The following TRIM33 variants were observed in gnomAD, a reference collection of about 807,000 sequenced individuals.
TRIM33 encodes the protein tripartite motif containing 33, also known as E3 ubiquitin-protein ligase TRIM33.
Under a neutral mutation model 125.4 loss-of-function variants are expected in TRIM33, and 20 were observed. The observed-to-expected ratio is 0.16, with a 90% CI of 0.11 to 0.23. The LOEUF (loss-of-function observed/expected upper bound fraction) is 0.23, where lower values mean the gene tolerates loss of function less well. Among genes scored for constraint, TRIM33 ranks in the 10% least tolerant of loss-of-function variants. The pLI is 1.00. For synonymous variants in TRIM33, 564 were observed against 513.9 expected, an observed-to-expected ratio of 1.10 and a Z score of -1.32; for missense variants, 920 against 1,411.4, an observed-to-expected ratio of 0.65 and a Z score of 5.58.
intron 1 of TRIM33, among the ~76,000 whole-genome samples, chr1:114,482,335 AC>A (rs1365275533): frequency 2.0e-5 from 3 of 152,188 alleles, no homozygotes; most frequent in Non-Finnish European, 4.4e-5. Flanking sequence ...GAAAAAGAAG[AC>A]CAAATGAAAA....
At chr1:114,462,764 C>T (rs527487572) in intron 4 of TRIM33, among the ~76,000 whole-genome samples, 1 of 152,224 alleles carries the variant, frequency 6.6e-6, no homozygotes, top group African/African-American at 2.4e-5. Context: ...TAAAAGAATA[C>T]TGCTTTTGTA....
intron 1 of TRIM33, among the ~76,000 whole-genome samples, chr1:114,478,475 ACT>A (rs1343235188): frequency 1.3e-5 from 2 of 152,136 alleles, no homozygotes; most frequent in African/African-American, 4.8e-5. Flanking sequence ...GCTAAGATCA[ACT>A]CTCTATACAG....
chr1:114,483,263 C>T (rs1006555453), intron 1 of TRIM33, among the ~76,000 whole-genome samples: 2 of 152,008 alleles, frequency 1.3e-5, no homozygotes, highest in Non-Finnish European at 2.9e-5. Flanking sequence ...GCTGCGATCA[C>T]ACCACTGCAC....
intron 1 of TRIM33, among the ~76,000 whole-genome samples, chr1:114,484,816 C>G (rs7528577): frequency 0.36 from 54,025 of 151,864 alleles, 10,295 homozygotes; most frequent in African/African-American, 0.47. Flanking sequence ...AGTGAGCCCA[C>G]ATCGCACCAC....
intron 1 of TRIM33, among the ~76,000 whole-genome samples, chr1:114,471,047 C>T (rs538193593): frequency 1.3e-5 from 2 of 152,348 alleles, no homozygotes; most frequent in Admixed American, 6.5e-5. Context: ...AATCCTCCCG[C>T]ATAGGCCTCT....
chr1:114,499,296 C>A (rs979169440), intron 1 of TRIM33, among the ~76,000 whole-genome samples: 1 of 151,952 alleles, frequency 6.6e-6, no homozygotes, highest in Non-Finnish European at 1.5e-5. Flanking sequence ...GAGCCTAGGG[C>A]CTGTGTAAAG....
intron 11 of TRIM33, among the ~76,000 whole-genome samples, chr1:114,419,200 C>CAAAAA (rs35757503): frequency 6.7e-4 from 36 of 54,034 alleles, no homozygotes; most frequent in South Asian, 1.3e-3. Flanking sequence ...GACACCATCT[C>CAAAAA]AAAAAAAAAA....
chr1:114,410,120 AAGAC>A (rs1364992688), intron 12 of TRIM33, 60 bp downstream of exon 12: 144 of 1,578,586 alleles, frequency 9.1e-5, no homozygotes, highest in Non-Finnish European at 1.2e-4. Flanking sequence ...AATTCTGACT[AAGAC>A]AGATACTGAC....
rs77563080 is a variant in TRIM33, at chr1:114,479,270, T to C, written c.527-14882A>G. On this transcript the variant is annotated intron_variant, in intron 1 of 19. Coordinates refer to ENST00000358465, the MANE Select transcript of TRIM33 (RefSeq NM_015906.4). The stretch of plus-strand genomic sequence containing the variant: ...TGTTTGAAGAAATAATGGTGGAAAA[T>C]GTCAAAACCTGATGAAACACATTAA... 8.0e-4 allele frequency among the ~76,000 whole-genome samples: 122 copies of C among 152,046 alleles called. 3 individuals are homozygous for C. In the East Asian group the frequency reaches 0.022, roughly 28 times the overall value.
In TRIM33 at chr1:114,425,429, T is replaced by C. The variant is rs1005596953; in HGVS notation, c.1695+20A>G. The C allele has an allele frequency of 1.9e-6, 3 of 1,610,530 alleles. No individual in the cohort carries two copies. The highest frequency in any genetic ancestry group is 3.3e-5 in the Admixed American group (2 of 59,852). ...AGGGCTTCATAATTTCTATCAATAA[T>C]GTAGTAACACGATACTTACCTGTTG... On this transcript the variant is annotated intron_variant, in intron 9 of 19. Transcript: ENST00000358465.
At chr1:114,457,041 G>A (rs1649668163) in intron 4 of TRIM33, among the ~76,000 whole-genome samples, 1 of 152,126 alleles carries the variant, frequency 6.6e-6, no homozygotes, top group South Asian at 2.1e-4. Context: ...GAAGCCCAGT[G>A]TTTGGTTGGG....
At chr1:114,414,987 C>CTTTTTT (rs1232374980) in intron 11 of TRIM33, among the ~76,000 whole-genome samples, 2 of 108,206 alleles carry the variant, frequency 1.8e-5, no homozygotes, top group Non-Finnish European at 1.9e-5. Context: ...GAGGTAGATT[C>CTTTTTT]TATTTTTTTT....
Position 114,510,587 on chromosome 1 carries a change from G to T in TRIM33, c.490C>A (p.Pro164Thr). The T allele has an allele frequency of 6.5e-7, 1 of 1,538,832 alleles. No individual in the cohort carries two copies. Among genetic ancestry groups the T allele is most frequent in the East Asian group, 2.4e-5 (1 of 41,474 alleles). ...LPEPERQLSV[P>T]IPGGSNGDIQ... ...TCGCCGTTGCTGCCCCCCGGGATGG[G>T]CACGCTGAGCTGGCGCTCCGGCTCG... The change falls in exon 1 of 20, where the codon CCC becomes ACC. Residue 164 changes from proline to threonine, a missense_variant. Transcript: ENST00000358465.
rs57206604 is a variant in TRIM33, at chr1:114,465,343, C to A, written c.527-955G>T. Among the ~76,000 whole-genome samples, 1,357 of 152,262 alleles carry A rather than the reference C, an allele frequency of 8.9e-3. 13 individuals are homozygous for A. The highest frequency in any genetic ancestry group is 0.041 in the South Asian group (196 of 4,820). On this transcript the variant is annotated intron_variant, in intron 1 of 19. Coordinates refer to ENST00000358465, the MANE Select transcript of TRIM33 (RefSeq NM_015906.4). ...TACAGCATAAATGACACAATCCACA[C>A]CTTCAAGAAGGATTCTAGATTAGTA... is the stretch of plus-strand genomic sequence containing the variant.
At chr1:114,436,673 C>T (rs1648329644) in intron 4 of TRIM33, among the ~76,000 whole-genome samples, 1 of 151,986 alleles carries the variant, frequency 6.6e-6, no homozygotes, top group Admixed American at 6.5e-5. Flanking sequence ...CCATGTTGGC[C>T]GGGCTGATCT....
Position 114,394,486 on chromosome 1 carries a change from A to G in TRIM33, c.*3162T>C. 1 of 215,650 alleles carries G rather than the reference A, an allele frequency of 4.6e-6. No individual in the cohort carries two copies. Among genetic ancestry groups the G allele is most frequent in the East Asian group, 6.9e-5 (1 of 14,484 alleles). 13.4% of individuals were successfully genotyped at this position (215,650 alleles called of 1,614,324 possible). A position where few individuals can be genotyped will look rare whatever the true frequency, so the allele number is the denominator to read the frequency against. On this transcript the variant is annotated 3_prime_UTR_variant, in exon 20 of 20. Coordinates refer to ENST00000358465, the MANE Select transcript of TRIM33 (RefSeq NM_015906.4). ...TGATAAATCTACAATTTGCACACTTATAAACCTTTTACTTCTATTTAAAAG... is the reference window on the plus strand; with the variant it reads ...TGATAAATCTACAATTTGCACACTTGTAAACCTTTTACTTCTATTTAAAAG...
intron 1 of TRIM33, among the ~76,000 whole-genome samples, chr1:114,493,467 T>C (rs533248164): frequency 3.8e-4 from 58 of 152,332 alleles, no homozygotes; most frequent in African/African-American, 1.4e-3. Context: ...TTTGTTTTTG[T>C]AGAGACAGGA....
intron 1 of TRIM33, among the ~76,000 whole-genome samples, chr1:114,496,075 A>T (rs542267130): frequency 1.3e-5 from 2 of 152,340 alleles, no homozygotes; most frequent in South Asian, 4.1e-4. Flanking sequence ...CAGTGCTCTT[A>T]TTACTTTCAA....
At chr1:114,459,566 T>C (rs1395534674) in intron 4 of TRIM33, among the ~76,000 whole-genome samples, 1 of 152,128 alleles carries the variant, frequency 6.6e-6, no homozygotes, top group East Asian at 1.9e-4. Context: ...GCCTAAGAGT[T>C]TAAATCCAGC....
Sources: gnomAD v4.1 joint callset for allele counts (sites outside exome capture counted in the v4.1 genomes callset) on GRCh38, gnomAD v4.1.1 for gene constraint, MANE v1.5 for transcripts, NCBI Gene and HGNC (gene_info 2026-07-23, HGNC 2026-07-21) for gene names.